The following USHBP1 variants were observed in gnomAD, a reference collection of about 807,000 sequenced individuals.
The protein encoded by USHBP1 is harmonin-binding protein USHBP1.
A neutral mutation model predicts 76.2 loss-of-function variants in USHBP1; 67 were observed. The observed-to-expected ratio is 0.88, with a 90% CI of 0.72 to 1.08. The LOEUF (loss-of-function observed/expected upper bound fraction) is 1.08, where lower values mean the gene tolerates loss of function less well. Among genes scored for constraint, USHBP1 ranks in the 50% least tolerant of loss-of-function variants. The pLI is 0.00. For synonymous variants in USHBP1, 322 were observed against 362.2 expected, an observed-to-expected ratio of 0.89 and a Z score of 1.26; for missense variants, 931 against 915.0, an observed-to-expected ratio of 1.02 and a Z score of -0.23.
At chr19:17,262,259 T>C (rs1387141908) in intron 4 of USHBP1, among the ~76,000 whole-genome samples, 1 of 151,878 alleles carries the variant, frequency 6.6e-6, no homozygotes, top group Non-Finnish European at 1.5e-5. Flanking sequence ...CACCTCAGCC[T>C]CCCAAAGTGC....
At position 17,259,386 on chromosome 19, in the gene USHBP1, C is replaced by G; in HGVS notation, c.949G>C (p.Val317Leu). ...CAGCGGCCCTTGTATCCCTGTAGCA[C>G]AGCTGATAGCAGACGATTAAAGCAT... Reference protein sequence around the residue: ...LKCFNRLLSAVLQGYKGRCEG... With the variant: ...LKCFNRLLSALLQGYKGRCEG... Residue 317 changes from valine (V) to leucine (L), a missense_variant, in exon 7 of 13, where the codon GTG becomes CTG. Coordinates refer to ENST00000252597, the MANE Select transcript of USHBP1 (RefSeq NM_031941.4). 1 of 1,614,148 alleles carries G rather than the reference C, an allele frequency of 6.2e-7. No individual in the cohort carries two copies. The highest frequency in any genetic ancestry group is 8.5e-7 in the Non-Finnish European group (1 of 1,180,022).
chr19:17,257,276 C>T (rs2073631604), intron 8 of USHBP1, among the ~76,000 whole-genome samples: 4 of 148,198 alleles, frequency 2.7e-5, no homozygotes, highest in Middle Eastern at 3.4e-3. Flanking sequence ...TGTGATCTGC[C>T]CACCTCGGCC....
At chr19:17,263,864 CA>C (rs1035867903) in intron 3 of USHBP1, 137 bp downstream of exon 3, 10,810 of 1,011,866 alleles carry the variant, frequency 0.011, no homozygotes, top group South Asian at 0.018. Flanking sequence ...CAGCAAGACT[CA>C]AAAAAAAAAG....
Position 17,251,724 on chromosome 19 carries a change from AG to A in USHBP1, c.1800-21del. On this transcript the variant is annotated intron_variant, in intron 11 of 12. Transcript: ENST00000252597. ...AGTGTCCTGTTGCGAAGGAGAAGAG[AG>A]GGGGCTCACAGCCCCAGCCGATCCT... 1.2e-6 allele frequency: 2 copies of A among 1,610,926 alleles called. No homozygotes were observed. The highest frequency in any genetic ancestry group is 1.7e-6 in the Non-Finnish European group (2 of 1,179,936).
Position 17,264,285 on chromosome 19 carries a change from G to T in USHBP1, c.15C>A (p.Ala5=). ...TCCCTCGCCGGCTTCGGGGCCGCGT[G>T]GCCCGGGCACTCATTGCTGTCCAGA... MSAR[A]TRPRSRRGRH... The change falls in exon 2 of 13, where the codon GCC becomes GCA. Residue 5 remains alanine, a synonymous_variant. Coordinates refer to ENST00000252597, the MANE Select transcript of USHBP1 (RefSeq NM_031941.4). 2 of 1,612,922 alleles carry T rather than the reference G, an allele frequency of 1.2e-6. No individual in the cohort carries two copies. The highest frequency in any genetic ancestry group is 1.7e-6 in the Non-Finnish European group (2 of 1,179,780).
intron 8 of USHBP1, among the ~76,000 whole-genome samples, chr19:17,257,725 C>T (rs1420908664): frequency 1.3e-5 from 2 of 151,680 alleles, no homozygotes; most frequent in Non-Finnish European, 2.9e-5. Flanking sequence ...CAGCTCACTG[C>T]AGCCTCCACC....
In USHBP1 at chr19:17,250,400, G is replaced by T. The variant is rs142042090; in HGVS notation, c.1937C>A (p.Ala646Asp). Reference protein sequence around the residue: ...LCKAHSALVLAFRGAHRKQEE... With the variant: ...LCKAHSALVLDFRGAHRKQEE... ...CTGCTTCCGGTGGGCTCCTCGGAAGGCCAGGACCAGGGCGCTGGAAGGGGT... is the reference window on the plus strand; with the variant it reads ...CTGCTTCCGGTGGGCTCCTCGGAAGTCCAGGACCAGGGCGCTGGAAGGGGT... The change falls in exon 13 of 13, where the codon GCC (alanine) becomes GAC (aspartate). Residue 646 changes from alanine to aspartate, a missense_variant. Transcript: ENST00000252597. 63 of 1,612,854 alleles carry T rather than the reference G, an allele frequency of 3.9e-5. No individual in the cohort carries two copies. In the African/African-American group the frequency reaches 6.5e-4, roughly 17 times the overall value.
chr19:17,255,895 G>A (rs1413052761), intron 9 of USHBP1, among the ~76,000 whole-genome samples: 1 of 152,162 alleles, frequency 6.6e-6, no homozygotes, highest in African/African-American at 2.4e-5. Context: ...CAGCTACTTG[G>A]GAGGCTGAGG....
intron 8 of USHBP1, among the ~76,000 whole-genome samples, chr19:17,257,146 A>G (rs1249978371): frequency 5.4e-5 from 8 of 148,594 alleles, no homozygotes; most frequent in East Asian, 2.0e-4. Flanking sequence ...TCAGCCTCCC[A>G]AGAAGGTAGG....
At chr19:17,260,364 C>G (rs1417293810) in intron 4 of USHBP1, among the ~76,000 whole-genome samples, 1 of 152,164 alleles carries the variant, frequency 6.6e-6, no homozygotes, top group Non-Finnish European at 1.5e-5. Flanking sequence ...GAGTCTTGCT[C>G]TGTTACCTAG....
chr19:17,251,497 A>G (rs2073550580), intron 12 of USHBP1, 85 bp downstream of exon 12: 1 of 1,569,078 alleles, frequency 6.4e-7, no homozygotes, highest in African/African-American at 1.3e-5. Context: ...GGGGAATGCT[A>G]AGGCCCAGAG....
At chr19:17,253,057 C>T (rs2073572057) in intron 10 of USHBP1, among the ~76,000 whole-genome samples, 1 of 151,802 alleles carries the variant, frequency 6.6e-6, no homozygotes, top group Non-Finnish European at 1.5e-5. Context: ...CCAGCTCTGC[C>T]TCCCGGGTTC....
Position 17,259,593 on chromosome 19 carries a change from T to TA in USHBP1, c.905+2dup, listed in dbSNP as rs772519432. ...TTATGAGCTCAGCATTTGAGTCTCT[T>TA]ACCCCCGGAGTTGCTCCATCTGGGC... is the stretch of plus-strand genomic sequence containing the variant. On this transcript the variant is annotated splice_region_variant and intron_variant, in intron 6 of 12. Coordinates refer to ENST00000252597, the MANE Select transcript of USHBP1 (RefSeq NM_031941.4). 6.8e-6 allele frequency: 11 copies of TA among 1,607,524 alleles called. No individual in the cohort carries two copies. Among genetic ancestry groups the TA allele is most frequent in the Admixed American group, 1.7e-5 (1 of 58,084 alleles).
intron 5 of USHBP1, 55 bp downstream of exon 5, chr19:17,259,842 A>T: frequency 6.3e-7 from 1 of 1,589,424 alleles, no homozygotes; most frequent in Non-Finnish European, 8.6e-7. Flanking sequence ...TTTGAGTCTC[A>T]TTCCCCTGAA....
chr19:17,251,879 C>T, intron 11 of USHBP1, 32 bp downstream of exon 11: 2 of 1,520,398 alleles, frequency 1.3e-6, no homozygotes. Context: ...TGCCTGCCCA[C>T]CCCCCGCACA....
intron 8 of USHBP1, 92 bp from the exon 9 acceptor site, chr19:17,256,812 T>A: frequency 1.9e-6 from 3 of 1,556,030 alleles, no homozygotes; most frequent in Non-Finnish European, 2.6e-6. Flanking sequence ...TCACCTTCCA[T>A]CTCACTGGCC....
intron 8 of USHBP1, among the ~76,000 whole-genome samples, 170 bp downstream of exon 8, chr19:17,258,042 C>T (rs1285621893): frequency 6.6e-6 from 1 of 152,186 alleles, no homozygotes; most frequent in East Asian, 1.9e-4. Context: ...CAAGTAGCAA[C>T]AGGCCAACTG....
chr19:17,262,953 G>A lies in USHBP1; in HGVS notation c.241C>T (p.Leu81=), dbSNP rs1174736517. 6.5e-7 allele frequency: 1 copy of A among 1,527,286 alleles called. No homozygotes were observed. The highest frequency in any genetic ancestry group is 8.8e-7 in the Non-Finnish European group (1 of 1,137,946). 94.6% of individuals were successfully genotyped at this position (1,527,286 alleles called of 1,614,324 possible). ...KKMDGGSGRE[L]ASAPEVPHKP... ...TGGGGCACTTCGGGGGCTGAGGCCAGTTCCCTGCCAGAGCCCCCATCCATC... is the reference window on the plus strand; with the variant it reads ...TGGGGCACTTCGGGGGCTGAGGCCAATTCCCTGCCAGAGCCCCCATCCATC... Residue 81 remains leucine, a synonymous_variant, in exon 4 of 13, where the codon CTG becomes TTG. Transcript: ENST00000252597.
chr19:17,249,870 C>A lies in USHBP1; in HGVS notation c.*355G>T, dbSNP rs1306147352. 2 of 277,530 alleles carry A rather than the reference C, an allele frequency of 7.2e-6. No individual in the cohort carries two copies. Among genetic ancestry groups the A allele is most frequent in the Admixed American group, 5.2e-5 (1 of 19,356 alleles). 17.2% of individuals were successfully genotyped at this position (277,530 alleles called of 1,614,324 possible). ...AAGCTCTGTCCAGTCCCCATGAATC[C>A]CTCCCTGGGCTTCGGGAGACAGGCC... On this transcript the variant is annotated 3_prime_UTR_variant, in exon 13 of 13. Transcript: ENST00000252597.
Sources: gnomAD v4.1 joint callset for allele counts (sites outside exome capture counted in the v4.1 genomes callset) on GRCh38, gnomAD v4.1.1 for gene constraint, MANE v1.5 for transcripts, NCBI Gene and HGNC (gene_info 2026-07-23, HGNC 2026-07-21) for gene names.